Variants in TTBK2 observed in about 807,000 individuals in gnomAD.
The protein encoded by TTBK2 is tau-tubulin kinase 2.
TTBK2 carries 28 observed loss-of-function variants against 110.8 expected under a neutral mutation model. That is an observed-to-expected ratio of 0.25 (90% confidence interval 0.19 to 0.35). TTBK2 has a LOEUF of 0.35. TTBK2 is among the 10% of genes least tolerant of loss of function. The pLI, the probability that TTBK2 is intolerant of heterozygous loss-of-function variation, is 1.00. For missense variants in TTBK2, 1,369 were observed against 1,500.3 expected, an observed-to-expected ratio of 0.91 and a Z score of 1.45; for synonymous variants, 532 against 527.3, an observed-to-expected ratio of 1.01 and a Z score of -0.12.
chr15:42,892,341 A>G (rs942612916), intron 1 of TTBK2, among the ~76,000 whole-genome samples: 2 of 152,188 alleles, frequency 1.3e-5, no homozygotes, highest in Non-Finnish European at 2.9e-5. Context: ...TTATACTACT[A>G]GAGCAGAGTT....
chr15:42,883,789 C>CA (rs1227226939), intron 1 of TTBK2, among the ~76,000 whole-genome samples: 15 of 152,036 alleles, frequency 9.9e-5, no homozygotes, highest in African/African-American at 3.6e-4. Flanking sequence ...ACTGAAAAGA[C>CA]AGAGATTAGC....
intron 3 of TTBK2, among the ~76,000 whole-genome samples, chr15:42,870,648 G>C (rs1345115736): frequency 6.6e-6 from 1 of 151,874 alleles, no homozygotes; most frequent in Non-Finnish European, 1.5e-5. Flanking sequence ...AGATCATGAG[G>C]TCAAGAGATC....
intron 6 of TTBK2, among the ~76,000 whole-genome samples, chr15:42,821,814 C>T (rs1892317178): frequency 6.6e-6 from 1 of 151,938 alleles, no homozygotes; most frequent in Non-Finnish European, 1.5e-5. Context: ...CTCAGCCTCC[C>T]AAGTAGCTGG....
At chr15:42,816,085 A>AATAAATAAATATATATAT (rs1397691949) in intron 7 of TTBK2, among the ~76,000 whole-genome samples, 1 of 67,470 alleles carries the variant, frequency 1.5e-5, no homozygotes, top group African/African-American at 7.6e-5. Flanking sequence ...TAAATAAATA[A>AATAAATAAATATATATAT]ATATATATAT....
intron 4 of TTBK2, among the ~76,000 whole-genome samples, chr15:42,835,241 C>A (rs72713790): frequency 3.9e-4 from 60 of 152,246 alleles, no homozygotes; most frequent in Non-Finnish European, 8.2e-4. Flanking sequence ...ATCAGACTGA[C>A]AATGCTGAAC....
Position 42,739,063 on chromosome 15 carries a change from C to T in TTBK2, c.*6732G>A, listed in dbSNP as rs2061734160. On this transcript the variant is annotated 3_prime_UTR_variant, in exon 15 of 15. Coordinates refer to ENST00000267890, the MANE Select transcript of TTBK2 (RefSeq NM_173500.4). ...ACAGAACTTAAAACACTGTACAAAG[C>T]TTTAATATGATACAAATGGGAAAAT... is the stretch of plus-strand genomic sequence containing the variant. 6.6e-6 allele frequency: 1 copy of T among 152,140 alleles called. No individual in the cohort carries two copies. Among genetic ancestry groups the T allele is most frequent in the Non-Finnish European group, 1.5e-5 (1 of 68,028 alleles). 9.4% of individuals were successfully genotyped at this position (152,140 alleles called of 1,614,324 possible).
chr15:42,827,835 A>C lies in TTBK2; in HGVS notation c.537+93T>G, dbSNP rs796667657. ...ATATGCCACTTCTTAGATAACATCC[A>C]TTAGGATAAATAATTAGCATTGTTT... On this transcript the variant is annotated intron_variant, in intron 6 of 14. Coordinates refer to ENST00000267890, the MANE Select transcript of TTBK2 (RefSeq NM_173500.4). 8 of 988,654 alleles carry C rather than the reference A, an allele frequency of 8.1e-6. No homozygotes were observed. The African/African-American group carries it at 1.1e-4, about 14-fold the overall frequency. 61.2% of individuals were successfully genotyped at this position (988,654 alleles called of 1,614,324 possible).
chr15:42,752,340 A>G lies in TTBK2; in HGVS notation c.2906T>C (p.Leu969Pro). 6.2e-7 allele frequency: 1 copy of G among 1,614,142 alleles called. No homozygotes were observed. Among genetic ancestry groups the G allele is most frequent in the Non-Finnish European group, 8.5e-7 (1 of 1,180,024 alleles). The change falls in exon 14 of 15, where the codon CTC (leucine) becomes CCC (proline). Residue 969 changes from leucine to proline, a missense_variant. Leu to Pro is a moderately conservative substitution (Grantham distance 98). Around this residue, in one of 4 missense-constraint regions of TTBK2, gnomAD observed 1,097 missense variants for 1,114.7 expected, o/e 0.98. Coordinates refer to ENST00000267890, the MANE Select transcript of TTBK2 (RefSeq NM_173500.4). The part of the protein sequence containing the change: ...SSPVSAKEKL[L>P]QKKAYQPDLV... ...GTCTGGCTGATAGGCTTTCTTTTGG[A>G]GGAGCTTTTCTTTTGCAGAAACTGG... is the stretch of plus-strand genomic sequence containing the variant.
chr15:42,890,307 T>TG (rs1895406326), intron 1 of TTBK2, among the ~76,000 whole-genome samples: 1 of 152,234 alleles, frequency 6.6e-6, no homozygotes, highest in African/African-American at 2.4e-5. Context: ...ACAGCCTTGT[T>TG]GCTCACACAA....
At chr15:42,818,506 T>G (rs1892140316) in intron 6 of TTBK2, among the ~76,000 whole-genome samples, 1 of 151,882 alleles carries the variant, frequency 6.6e-6, no homozygotes, top group Non-Finnish European at 1.5e-5. Context: ...GATCACAAGG[T>G]CAGAAGATAG....
At chr15:42,763,157 C>CATATATAT (rs1567008803) in intron 13 of TTBK2, among the ~76,000 whole-genome samples, 219 of 20,450 alleles carry the variant, frequency 0.011, 1 homozygote, top group Middle Eastern at 0.062. Flanking sequence ...TATATATATA[C>CATATATAT]ATATATATAT....
intron 14 of TTBK2, among the ~76,000 whole-genome samples, chr15:42,750,480 A>G (rs907710661): frequency 1.3e-5 from 2 of 152,140 alleles, no homozygotes; most frequent in African/African-American, 4.8e-5. Flanking sequence ...AAAATTCACT[A>G]GATGGATTCG....
At position 42,872,650 on chromosome 15, in the gene TTBK2, C is replaced by T; in HGVS notation, c.178G>A (p.Val60Ile). The T allele has an allele frequency of 6.2e-7, 1 of 1,614,106 alleles. No homozygotes were observed. The highest frequency in any genetic ancestry group is 8.5e-7 in the Non-Finnish European group (1 of 1,180,010). ...KVESAQQPKQVLKMEVAVLKK... is the reference protein window; with the variant it reads ...KVESAQQPKQILKMEVAVLKK... ...AAAACAGCAACTTCCATTTTCAGAA[C>T]TTGTTTTGGTTGTTGAGCTGATTCC... The change falls in exon 3 of 15, where the codon GTT becomes ATT. Residue 60 changes from valine (V) to isoleucine (I), a missense_variant. This residue lies in a region of TTBK2 where 122 missense variants were observed against 159.7 expected (regional missense o/e 0.76). Coordinates refer to ENST00000267890, the MANE Select transcript of TTBK2 (RefSeq NM_173500.4).
intron 3 of TTBK2, among the ~76,000 whole-genome samples, chr15:42,856,123 T>C (rs1392783652): frequency 2.0e-5 from 3 of 152,314 alleles, no homozygotes; most frequent in African/African-American, 7.2e-5. Context: ...TAATTCCAGT[T>C]AAGGAATTTA....
intron 13 of TTBK2, among the ~76,000 whole-genome samples, chr15:42,771,749 C>G (rs549245104): frequency 1.3e-5 from 2 of 152,086 alleles, no homozygotes; most frequent in Non-Finnish European, 2.9e-5. Context: ...TTCCTTTTCT[C>G]GATCTCTAAG....
intron 3 of TTBK2, among the ~76,000 whole-genome samples, chr15:42,851,754 A>G (rs1253894346): frequency 6.6e-6 from 1 of 152,138 alleles, no homozygotes; most frequent in Non-Finnish European, 1.5e-5. Context: ...TGCATAGAAC[A>G]TTTCTGGAAG....
chr15:42,900,513 G>C (rs1174215963), intron 1 of TTBK2, among the ~76,000 whole-genome samples: 1 of 152,028 alleles, frequency 6.6e-6, no homozygotes, highest in African/African-American at 2.4e-5. Flanking sequence ...GAGGTCACTA[G>C]TTTGAGAATA....
intron 3 of TTBK2, among the ~76,000 whole-genome samples, chr15:42,861,498 T>A (rs930858022): frequency 2.0e-5 from 3 of 152,094 alleles, no homozygotes; most frequent in South Asian, 2.1e-4. Context: ...ATAACTCATG[T>A]GTGAACAATG....
chr15:42,783,412 C>T lies in TTBK2; in HGVS notation c.1197+7G>A. On this transcript the variant is annotated splice_region_variant and intron_variant, in intron 11 of 14. Transcript: ENST00000267890. ...ATAAATTTCTGTTGTTTATAAGGTACTCATACCTTACAAATTCCAAGCTTT... is the reference window on the plus strand; with the variant it reads ...ATAAATTTCTGTTGTTTATAAGGTATTCATACCTTACAAATTCCAAGCTTT... 6.2e-7 allele frequency: 1 copy of T among 1,607,064 alleles called. No homozygotes were observed. Among genetic ancestry groups the T allele is most frequent in the South Asian group, 1.1e-5 (1 of 90,958 alleles).
Sources: gnomAD v4.1 joint callset for allele counts (sites outside exome capture counted in the v4.1 genomes callset) on GRCh38, gnomAD v4.1.1 for gene constraint, gnomAD v4.1.1 regional missense constraint, MANE v1.5 for transcripts, NCBI Gene and HGNC (gene_info 2026-07-23, HGNC 2026-07-21) for gene names.